LRRIQ4: variants seen among roughly 807,000 people sequenced by gnomAD.
The protein encoded by LRRIQ4 is leucine rich repeats and IQ motif containing 4.
In LRRIQ4, 21 loss-of-function variants were observed where a neutral mutation model predicts 40.1. The ratio of observed to expected loss-of-function variants is 0.52; its 90% confidence interval spans 0.37 to 0.75. The LOEUF is 0.75. Among genes scored for constraint, LRRIQ4 ranks in the 30% least tolerant of loss-of-function variants. LRRIQ4 has a pLI of 0.00. For synonymous variants in LRRIQ4, 277 were observed against 277.1 expected (o/e 1.00, Z 0.00); for missense variants, 655 against 660.0 (o/e 0.99, Z 0.08).
chr3:169,821,423 G>A (rs1779886404), intron 1 of LRRIQ4, among the ~76,000 whole-genome samples: 1 of 152,060 alleles, frequency 6.6e-6, no homozygotes, highest in South Asian at 2.1e-4. Context: ...CCTGAGGTCG[G>A]GAGTTTGAGA....
At chr3:169,819,237 G>A (rs989208546) in intron 1 of LRRIQ4, among the ~76,000 whole-genome samples, 1 of 152,018 alleles carries the variant, frequency 6.6e-6, no homozygotes, top group African/African-American at 2.4e-5. Context: ...TGCAAATCTG[G>A]GTTTTACAAT....
chr3:169,818,332 T>C (rs1254182413), intron 1 of LRRIQ4, among the ~76,000 whole-genome samples: 2 of 152,244 alleles, frequency 1.3e-5, no homozygotes, highest in African/African-American at 4.8e-5. Flanking sequence ...CCAGGGACTG[T>C]GATTGCAAAC....
chr3:169,832,782 GTT>G (rs1780210463), intron 4 of LRRIQ4, among the ~76,000 whole-genome samples: 1 of 152,120 alleles, frequency 6.6e-6, no homozygotes, highest in Admixed American at 6.5e-5. Flanking sequence ...ACTGAATTCT[GTT>G]CTCTTCATTT....
chr3:169,833,088 A>G lies in LRRIQ4; in HGVS notation c.1435A>G (p.Met479Val). 1.2e-6 allele frequency: 2 copies of G among 1,614,000 alleles called. No individual in the cohort carries two copies. Among genetic ancestry groups the G allele is most frequent in the Middle Eastern group, 3.3e-4 (2 of 6,062 alleles). ...GGTTCTGACACTGATGGACAATCCC[A>G]TGGAAGAACCCCCAAAAGAAGTGTG... is the stretch of plus-strand genomic sequence containing the variant. The part of the protein sequence containing the change: ...LKVLTLMDNP[M>V]EEPPKEVCAE... The change falls in exon 5 of 6, where the codon ATG becomes GTG. Residue 479 changes from methionine (M) to valine (V), a missense_variant. By Grantham distance (21) the Met-to-Val change is conservative. Coordinates refer to ENST00000340806, the MANE Select transcript of LRRIQ4 (RefSeq NM_001080460.3).
chr3:169,818,912 T>C (rs746003570), intron 1 of LRRIQ4, among the ~76,000 whole-genome samples: 2 of 152,332 alleles, frequency 1.3e-5, no homozygotes, highest in East Asian at 3.9e-4. Flanking sequence ...CTATCTAGTT[T>C]GTGCATAGAC....
intron 1 of LRRIQ4, among the ~76,000 whole-genome samples, chr3:169,817,694 CT>C (rs576133071): frequency 2.2e-4 from 33 of 152,044 alleles, no homozygotes; most frequent in African/African-American, 6.8e-4. Context: ...CCTTTTTTGT[CT>C]TTTTTTATAG....
chr3:169,822,582 A>G lies in LRRIQ4; in HGVS notation c.661A>G (p.Asn221Asp). 6.2e-7 allele frequency: 1 copy of G among 1,614,008 alleles called. No homozygotes were observed. The change falls in exon 2 of 6, where the codon AAC becomes GAC. Residue 221 changes from asparagine to aspartate, a missense_variant. Coordinates refer to ENST00000340806, the MANE Select transcript of LRRIQ4 (RefSeq NM_001080460.3). The part of the protein sequence containing the change: ...TGLQKFYMAS[N>D]NLPVLPASLC... ...GCTGCAGAAGTTCTATATGGCTTCT[A>G]ACAACCTTCCCGTTCTGCCCGCGTC... is the stretch of plus-strand genomic sequence containing the variant.
At chr3:169,820,249 CTGTGTGTG>C (rs55800037) in intron 1 of LRRIQ4, among the ~76,000 whole-genome samples, 4,454 of 143,734 alleles carry the variant, frequency 0.031, 181 homozygotes, top group African/African-American at 0.099. Flanking sequence ...CCCATAGACT[CTGTGTGTG>C]TGTGTGTGTG....
rs773726526 is a variant in LRRIQ4, at chr3:169,822,605, G to A, written c.684G>A (p.Ala228=). 1.9e-6 allele frequency: 3 copies of A among 1,613,964 alleles called. No individual in the cohort carries two copies. The highest frequency in any genetic ancestry group is 2.2e-5 in the South Asian group (2 of 91,082). Residue 228 remains alanine (A), a synonymous_variant, in exon 2 of 6, where the codon GCG becomes GCA. Coordinates refer to ENST00000340806, the MANE Select transcript of LRRIQ4 (RefSeq NM_001080460.3). ...MASNNLPVLP[A]SLCQCSQLSV... ...CTAACAACCTTCCCGTTCTGCCCGC[G>A]TCCTTGTGCCAGTGTAGCCAACTGT...
In LRRIQ4 at chr3:169,831,327, G is replaced by T. The variant is rs555086376; in HGVS notation, c.1333+697G>T. ...CTCGCTCTGTCGCTCAGGCTGGAGT[G>T]CAGTGGCGTGATCTCGGCTCCCTGC... On this transcript the variant is annotated intron_variant, in intron 4 of 5. Transcript: ENST00000340806. 6.2e-4 allele frequency among the ~76,000 whole-genome samples: 79 copies of T among 126,432 alleles called. 2 individuals carry two copies. In the South Asian group the frequency reaches 0.021, roughly 33 times the overall value. The allele number at this position is 126,432 out of a possible 152,430, so 82.9% of individuals were successfully genotyped here.
chr3:169,826,093 A>G (rs1780035062), intron 2 of LRRIQ4, among the ~76,000 whole-genome samples: 2 of 152,130 alleles, frequency 1.3e-5, no homozygotes, highest in South Asian at 4.1e-4. Flanking sequence ...GTATACTTCT[A>G]TTAAAGGAGA....
At chr3:169,815,423 T>A (rs1779744689) in intron 1 of LRRIQ4, among the ~76,000 whole-genome samples, 1 of 152,192 alleles carries the variant, frequency 6.6e-6, no homozygotes, top group African/African-American at 2.4e-5. Context: ...GATTATTTTC[T>A]TACTTTTTCT....
intron 4 of LRRIQ4, among the ~76,000 whole-genome samples, chr3:169,831,241 GT>G (rs1780165175): frequency 1.4e-5 from 1 of 72,230 alleles, no homozygotes; most frequent in Non-Finnish European, 3.0e-5. Flanking sequence ...TTATGCACAT[GT>G]TTTCAAACTA....
chr3:169,825,291 C>T (rs1780018209), intron 2 of LRRIQ4, among the ~76,000 whole-genome samples: 1 of 152,188 alleles, frequency 6.6e-6, no homozygotes, highest in Admixed American at 6.5e-5. Flanking sequence ...CAGGCGTGAG[C>T]CACTGTGCCC....
chr3:169,822,554 G>T lies in LRRIQ4; in HGVS notation c.633G>T (p.Thr211=). 1 of 1,613,896 alleles carries T rather than the reference G, an allele frequency of 6.2e-7. No individual in the cohort carries two copies. The highest frequency in any genetic ancestry group is 8.5e-7 in the Non-Finnish European group (1 of 1,179,848). ...GAIPEEIGHL[T]GLQKFYMASN... ...TCCCAGAAGAGATCGGACACCTGAC[G>T]GGGCTGCAGAAGTTCTATATGGCTT... Residue 211 remains threonine, a synonymous_variant, in exon 2 of 6, where the codon ACG becomes ACT. Coordinates refer to ENST00000340806, the MANE Select transcript of LRRIQ4 (RefSeq NM_001080460.3).
At chr3:169,827,312 G>A (rs1780060685) in intron 2 of LRRIQ4, among the ~76,000 whole-genome samples, 1 of 152,112 alleles carries the variant, frequency 6.6e-6, no homozygotes, top group African/African-American at 2.4e-5. Flanking sequence ...CATATTTTAA[G>A]AATGAGATTT....
rs1779942517 is a variant in LRRIQ4, at chr3:169,822,793, G to A, written c.872G>A (p.Gly291Asp). 1 of 1,613,758 alleles carries A rather than the reference G, an allele frequency of 6.2e-7. No homozygotes were observed. Among genetic ancestry groups the A allele is most frequent in the Non-Finnish European group, 8.5e-7 (1 of 1,179,790 alleles). Reference protein sequence around the residue: ...SLHLLYLGNTGLHRLRGSFRC... With the variant: ...SLHLLYLGNTDLHRLRGSFRC... ...CACCTGCTCTACCTGGGAAACACCG[G>A]CCTGCACAGGCTGCGGGGCTCCTTC... The change falls in exon 2 of 6, where the codon GGC (glycine) becomes GAC (aspartate). Residue 291 changes from glycine to aspartate, a missense_variant. Gly to Asp is a moderately conservative substitution (Grantham distance 94). Coordinates refer to ENST00000340806, the MANE Select transcript of LRRIQ4 (RefSeq NM_001080460.3).
chr3:169,829,006 T>A, intron 3 of LRRIQ4, 74 bp downstream of exon 3: 6 of 1,335,528 alleles, frequency 4.5e-6, no homozygotes, highest in Non-Finnish European at 6.2e-6. Context: ...TGAGAAAATA[T>A]GAGGTCTCCA....
intron 5 of LRRIQ4, among the ~76,000 whole-genome samples, chr3:169,836,643 G>A (rs975164394): frequency 1.3e-5 from 2 of 152,110 alleles, no homozygotes; most frequent in Non-Finnish European, 2.9e-5. Context: ...TTCACACTGG[G>A]GATTAGGACT....
Sources: gnomAD v4.1 joint callset for allele counts (sites outside exome capture counted in the v4.1 genomes callset) on GRCh38, gnomAD v4.1.1 for gene constraint, MANE v1.5 for transcripts, NCBI Gene and HGNC (gene_info 2026-07-23, HGNC 2026-07-21) for gene names.